Variants in MYRF observed in about 807,000 individuals in gnomAD.
MYRF encodes myelin regulatory factor, also known as myelin gene regulatory factor.
Under a neutral mutation model 126.3 loss-of-function variants are expected in MYRF, and 16 were observed. The ratio of observed to expected loss-of-function variants is 0.13; its 90% CI spans 0.09 to 0.19. MYRF has a LOEUF of 0.19. MYRF is among the 10% of genes least tolerant of loss of function. The pLI, the probability that MYRF is intolerant of heterozygous loss-of-function variation, is 1.00. For missense variants in MYRF, 1,104 were observed against 1,547.0 expected (o/e 0.71, Z 4.80); for synonymous variants, 608 against 635.3 (o/e 0.96, Z 0.65).
At position 61,770,795 on chromosome 11, in the gene MYRF, G is replaced by A. The variant is rs961820691; in HGVS notation, c.740+270G>A. Among the ~76,000 whole-genome samples the A allele has an allele frequency of 6.6e-5, 10 of 152,230 alleles. No individual in the cohort carries two copies. In the East Asian group the frequency reaches 1.4e-3, roughly 21 times the overall value. On this transcript the variant is annotated intron_variant, in intron 5 of 26. Transcript: ENST00000278836. ...GAGGCTCTGATGGGGGAAATGTCCC[G>A]TCCAGATCATGAGCCAGGGGCAGAG... is the stretch of plus-strand genomic sequence containing the variant.
rs371930256 is a variant in MYRF, at chr11:61,771,735, G to A, written c.976G>A (p.Gly326Ser). 1 of 1,612,054 alleles carries A rather than the reference G, an allele frequency of 6.2e-7. No homozygotes were observed. The highest frequency in any genetic ancestry group is 8.5e-7 in the Non-Finnish European group (1 of 1,178,738). ...RVQTPPWHPPGAPSPGLLQDS... is the reference protein window; with the variant it reads ...RVQTPPWHPPSAPSPGLLQDS... ...CCAGACACCGCCTTGGCACCCGCCA[G>A]GTGCCCCCTCCCCAGGTACATGGCT... Residue 326 changes from glycine (G) to serine (S), a missense_variant, in exon 6 of 27, where the codon GGT becomes AGT. Gly to Ser is a moderately conservative substitution (Grantham distance 56). Coordinates refer to ENST00000278836, the MANE Select transcript of MYRF (RefSeq NM_001127392.3).
chr11:61,777,429 C>T lies in MYRF; in HGVS notation c.1756C>T (p.Pro586Ser), dbSNP rs1401503177. 1 of 1,613,366 alleles carries T rather than the reference C, an allele frequency of 6.2e-7. No homozygotes were observed. Among genetic ancestry groups the T allele is most frequent in the Non-Finnish European group, 8.5e-7 (1 of 1,179,822 alleles). ...CAAGGTCATGGGCTCGCTTATGCACCCCTCCGACCTGCGCGCCAAGGAACA... is the reference window on the plus strand; with the variant it reads ...CAAGGTCATGGGCTCGCTTATGCACTCCTCCGACCTGCGCGCCAAGGAACA... ...NVKVMGSLMHPSDLRAKEHVQ... is the reference protein window; with the variant it reads ...NVKVMGSLMHSSDLRAKEHVQ... The change falls in exon 12 of 27, where the codon CCC (proline) becomes TCC (serine). Residue 586 changes from proline to serine, a missense_variant. Coordinates refer to ENST00000278836, the MANE Select transcript of MYRF (RefSeq NM_001127392.3). The surrounding 1 kb of genome is among the most constrained non-coding windows in gnomAD (Gnocchi z 8.8).
chr11:61,767,141 G>T (rs1323885151), intron 3 of MYRF: 1 of 456,392 alleles, frequency 2.2e-6, no homozygotes, highest in East Asian at 7.0e-5. Flanking sequence ...TGAGCTCCCT[G>T]GCTTTTGGGG....
At chr11:61,775,043 A>G (rs1439662783) in intron 8 of MYRF, among the ~76,000 whole-genome samples, 4 of 152,008 alleles carry the variant, frequency 2.6e-5, no homozygotes, top group Admixed American at 1.3e-4. Flanking sequence ...CTCATCATGC[A>G]TCTGGCCTTG....
At chr11:61,782,112 G>A (rs2066568786) in intron 22 of MYRF, 2 of 359,878 alleles carry the variant, frequency 5.6e-6, no homozygotes, top group Non-Finnish European at 9.9e-6. Context: ...CAGCCCCTCC[G>A]AGGCAGGGCT....
intron 1 of MYRF, chr11:61,755,805 C>T: frequency 3.9e-6 from 2 of 508,002 alleles, no homozygotes; most frequent in Non-Finnish European, 7.6e-6. Flanking sequence ...CAGTGTCCCC[C>T]AGAAAGCAGG....
At position 61,757,482 on chromosome 11, in the gene MYRF, G is replaced by A. The variant is rs530302731; in HGVS notation, c.46+4692G>A. 5.9e-5 allele frequency: 27 copies of A among 456,352 alleles called. No homozygotes were observed. Among genetic ancestry groups the A allele is most frequent in the East Asian group, 3.5e-4 (5 of 14,480 alleles). The allele number at this position is 456,352 out of a possible 1,614,324, so 28.3% of individuals were successfully genotyped here. On this transcript the variant is annotated intron_variant, in intron 1 of 26. Coordinates refer to ENST00000278836, the MANE Select transcript of MYRF (RefSeq NM_001127392.3). The surrounding 1 kb of genome is among the most constrained non-coding windows in gnomAD (Gnocchi z 4.7). ...CATTGGTCCATGGCAGGTGTTCTGC[G>A]CCCTACCTTGAAGATTACTGGTCCC...
chr11:61,788,218 G>T lies in MYRF; in HGVS notation c.*2075G>T, dbSNP rs1160023859. The T allele has an allele frequency of 6.5e-6, 1 of 152,756 alleles. No individual in the cohort carries two copies. Among genetic ancestry groups the T allele is most frequent in the East Asian group, 1.9e-4 (1 of 5,312 alleles). 9.5% of individuals were successfully genotyped at this position (152,756 alleles called of 1,614,324 possible). On this transcript the variant is annotated 3_prime_UTR_variant, in exon 27 of 27. Transcript: ENST00000278836. ...TCTCTCTCCTTTGGCGTTTGTTCCTGTAGTCACTGGGCTAATCTCCCCCTA... is the reference window on the plus strand; with the variant it reads ...TCTCTCTCCTTTGGCGTTTGTTCCTTTAGTCACTGGGCTAATCTCCCCCTA...
chr11:61,752,880 C>T (rs1366534139), intron 1 of MYRF, 90 bp downstream of exon 1: 1 of 1,272,054 alleles, frequency 7.9e-7, no homozygotes, highest in East Asian at 3.1e-5. Context: ...CGCTGTGTTT[C>T]CGCCTCCTCT....
Position 61,781,722 on chromosome 11 carries a change from G to A in MYRF, c.2914G>A (p.Ala972Thr), listed in dbSNP as rs779438545. The change falls in exon 22 of 27, where the codon GCC becomes ACC. Residue 972 changes from alanine to threonine, a missense_variant. Around this residue, in one of 10 missense-constraint regions of MYRF, gnomAD observed 323 missense variants for 383.1 expected, o/e 0.84. Coordinates refer to ENST00000278836, the MANE Select transcript of MYRF (RefSeq NM_001127392.3). The part of the protein sequence containing the change: ...AVPFPGGQGK[A>T]KNSPSLGFHG... ...CCCCTTCCCTGGGGGGCAGGGCAAA[G>A]CCAAGAACAGTCCCAGCCTTGGTTT... 10 of 1,613,360 alleles carry A rather than the reference G, an allele frequency of 6.2e-6. No individual in the cohort carries two copies. The East Asian group carries it at 2.0e-4, about 32-fold the overall frequency.
intron 1 of MYRF, among the ~76,000 whole-genome samples, chr11:61,761,265 G>GGC (rs1555053571): frequency 1.3e-5 from 2 of 151,618 alleles, no homozygotes; most frequent in African/African-American, 4.8e-5. Flanking sequence ...CTGGTGGGGG[G>GGC]GGGGGCACAT....
intron 1 of MYRF, among the ~76,000 whole-genome samples, chr11:61,764,577 C>T (rs198468): frequency 0.018 from 2,788 of 152,278 alleles, 100 homozygotes; most frequent in African/African-American, 0.064. Context: ...GGGAGGGGCC[C>T]TCCTGCCTCA....
chr11:61,775,934 G>A (rs2066369276), intron 8 of MYRF, 122 bp from the exon 9 acceptor site: 3 of 872,986 alleles, frequency 3.4e-6, no homozygotes, highest in East Asian at 2.5e-5. Flanking sequence ...GCGGCTGAGG[G>A]CTGGGTGCTG....
chr11:61,777,866 G>T lies in MYRF; in HGVS notation c.1903+21G>T. 1 of 1,546,200 alleles carries T rather than the reference G, an allele frequency of 6.5e-7. No individual in the cohort carries two copies. The highest frequency in any genetic ancestry group is 1.2e-5 in the South Asian group (1 of 83,948). On this transcript the variant is annotated intron_variant, in intron 13 of 26. Coordinates refer to ENST00000278836, the MANE Select transcript of MYRF (RefSeq NM_001127392.3). This position sits in a 1 kb window ranked among gnomAD's most constrained non-coding sequence, Gnocchi z 8.8. ...GACAGGTAGGGACCGGGCTGGTGCG[G>T]ACTGGGGTCCGGAAACCCAGAAACC...
chr11:61,764,657 C>T (rs1281136225), intron 1 of MYRF, among the ~76,000 whole-genome samples: 1 of 152,210 alleles, frequency 6.6e-6, no homozygotes, highest in Non-Finnish European at 1.5e-5. Flanking sequence ...GACGCATCTC[C>T]CACGTCAGCC....
chr11:61,779,595 C>T (rs780205479), intron 16 of MYRF, 25 bp downstream of exon 16: 34 of 1,476,484 alleles, frequency 2.3e-5, no homozygotes, highest in Admixed American at 1.8e-4. Context: ...GGATGGCAGG[C>T]GGGTTGGAAA....
intron 25 of MYRF, chr11:61,785,493 A>G (rs1320208806): frequency 2.4e-6 from 1 of 409,004 alleles, no homozygotes; most frequent in Non-Finnish European, 4.5e-6. Flanking sequence ...GGATGGGGCT[A>G]ATGAAATACT....
chr11:61,764,445 G>C (rs757080569), intron 1 of MYRF, among the ~76,000 whole-genome samples: 1 of 152,238 alleles, frequency 6.6e-6, no homozygotes, highest in African/African-American at 2.4e-5. Flanking sequence ...CTGAGGCGCA[G>C]AGAGTGCATG....
chr11:61,758,859 G>T (rs1215350295), intron 1 of MYRF, among the ~76,000 whole-genome samples: 1 of 152,228 alleles, frequency 6.6e-6, no homozygotes, highest in East Asian at 1.9e-4. Flanking sequence ...GCACATAACA[G>T]GTGCTCAGTA....
Sources: gnomAD v4.1 joint callset for allele counts (sites outside exome capture counted in the v4.1 genomes callset) on GRCh38, gnomAD v4.1.1 for gene constraint, gnomAD v4.1.1 regional missense constraint, Gnocchi (gnomAD v3.1) non-coding constraint, MANE v1.5 for transcripts, NCBI Gene and HGNC (gene_info 2026-07-23, HGNC 2026-07-21) for gene names.